The following FBXO4 variants were observed in gnomAD, a reference collection of about 807,000 sequenced individuals.
The protein encoded by FBXO4 is F-box only protein 4.
A neutral mutation model predicts 43.7 loss-of-function variants in FBXO4; 36 were observed. That is an observed-to-expected ratio of 0.82 (90% CI 0.63 to 1.09). FBXO4 has a LOEUF of 1.09. Ranked by LOEUF, FBXO4 falls within the 50% of genes least tolerant of loss-of-function variation. The pLI is 0.00. For missense variants in FBXO4, 435 were observed against 474.1 expected, an observed-to-expected ratio of 0.92 and a Z score of 0.77; for synonymous variants, 180 against 165.6, an observed-to-expected ratio of 1.09 and a Z score of -0.67.
the FBXO4 span, among the ~76,000 whole-genome samples, chr5:42,016,061 G>C: frequency 6.6e-6 from 1 of 152,052 alleles, no homozygotes; most frequent in East Asian, 1.9e-4. Context: ...TTAACATTGG[G>C]AAGCACAAAG....
chr5:41,959,041 C>T, the FBXO4 span, among the ~76,000 whole-genome samples: 4 of 152,172 alleles, frequency 2.6e-5, no homozygotes, highest in African/African-American at 9.7e-5. Context: ...CTTTTCTCTG[C>T]ATCCTCACCT....
Position 41,934,217 on chromosome 5 carries a change from A to G in FBXO4, c.807A>G (p.Gln269=), listed in dbSNP as rs1465786942. The G allele has an allele frequency of 6.2e-7, 1 of 1,614,062 alleles. No homozygotes were observed. Among genetic ancestry groups the G allele is most frequent in the African/African-American group, 1.3e-5 (1 of 74,930 alleles). Residue 269 remains glutamine (Q), a synonymous_variant, in exon 5 of 7, where the codon CAA becomes CAG. Coordinates refer to ENST00000281623, the MANE Select transcript of FBXO4 (RefSeq NM_012176.3). ...FSRHNEGDDQ[Q]GSRYSVIPQI... is the part of the protein sequence containing the mutation. ...GACACAATGAAGGTGATGATCAACA[A>G]GGAAGCCGGTACAGTGTGATTCCAC...
rs200889074 is a variant in FBXO4, at chr5:41,932,250, T to C, written c.647-1696T>C. On this transcript the variant is annotated intron_variant, in intron 3 of 6. Coordinates refer to ENST00000281623, the MANE Select transcript of FBXO4 (RefSeq NM_012176.3). Reference sequence around the variant, plus strand: ...TAATTGGCAAAGAAGGGCAGAACAGTATGGCGACTATATTGGGCTGAAGTT... The same window carrying C: ...TAATTGGCAAAGAAGGGCAGAACAGCATGGCGACTATATTGGGCTGAAGTT... Among the ~76,000 whole-genome samples the C allele has an allele frequency of 3.9e-5, 6 of 152,316 alleles. No individual in the cohort carries two copies. In the East Asian group the frequency reaches 1.2e-3, roughly 29 times the overall value.
At chr5:42,000,235 C>G in the FBXO4 span, among the ~76,000 whole-genome samples, 1 of 152,048 alleles carries the variant, frequency 6.6e-6, no homozygotes, top group African/African-American at 2.4e-5. Flanking sequence ...TGATGGGCAC[C>G]TATGTTGATT....
chr5:42,003,731 AT>A, the FBXO4 span, among the ~76,000 whole-genome samples: 1 of 130,532 alleles, frequency 7.7e-6, no homozygotes, highest in African/African-American at 2.9e-5. Flanking sequence ...AAGTGTTCTC[AT>A]TGTTCAATTC....
At chr5:41,945,594 G>GCCC (rs1481158323), downstream of FBXO4, among the ~76,000 whole-genome samples, 2 of 152,186 alleles carry the variant, frequency 1.3e-5, no homozygotes, top group East Asian at 3.9e-4. Context: ...TGCAGTCAGG[G>GCCC]AGGTTTCACA....
chr5:41,952,171 A>C, the FBXO4 span: 2 of 165,018 alleles, frequency 1.2e-5, no homozygotes, highest in Middle Eastern at 2.3e-3. Flanking sequence ...CTTCATTTTC[A>C]GGACATCAAG....
At chr5:41,965,035 T>C in the FBXO4 span, among the ~76,000 whole-genome samples, 9 of 152,342 alleles carry the variant, frequency 5.9e-5, no homozygotes, top group East Asian at 1.7e-3. Flanking sequence ...TTTAAGTTTT[T>C]TATCCATCTT....
At chr5:41,929,663 GTGTTAA>G (rs765041756) in intron 2 of FBXO4, 28 bp from the exon 3 acceptor site, 53 of 1,486,388 alleles carry the variant, frequency 3.6e-5, no homozygotes, top group Non-Finnish European at 4.7e-5. Context: ...GCTGTTTTCT[GTGTTAA>G]TGTTCTAATT....
At chr5:41,984,572 A>T in the FBXO4 span, among the ~76,000 whole-genome samples, 1 of 152,188 alleles carries the variant, frequency 6.6e-6, no homozygotes, top group South Asian at 2.1e-4. Context: ...CCTTTATGTC[A>T]GAAACAATTA....
At chr5:42,004,238 T>A in the FBXO4 span, among the ~76,000 whole-genome samples, 3 of 152,222 alleles carry the variant, frequency 2.0e-5, no homozygotes, top group Non-Finnish European at 4.4e-5. Flanking sequence ...GGAAACAGTC[T>A]TACCTATTGA....
the FBXO4 span, among the ~76,000 whole-genome samples, chr5:42,010,514 A>C: frequency 2.2e-4 from 34 of 152,226 alleles, 1 homozygote; most frequent in African/African-American, 6.5e-4. Flanking sequence ...TCTCAAAAAA[A>C]AAAAAAAAGA....
At chr5:41,956,155 CCAGATGTAATA>C in the FBXO4 span, among the ~76,000 whole-genome samples, 1 of 152,092 alleles carries the variant, frequency 6.6e-6, no homozygotes, top group Non-Finnish European at 1.5e-5. Context: ...AAAAACCAAT[CCAGATGTAATA>C]CAGAAGATAT....
chr5:41,933,456 G>T (rs1042188986), intron 3 of FBXO4, among the ~76,000 whole-genome samples: 17 of 152,216 alleles, frequency 1.1e-4, no homozygotes, highest in Non-Finnish European at 2.1e-4. Context: ...AGCCTCAAGT[G>T]ATTCTTCCAC....
At chr5:41,968,616 C>A in the FBXO4 span, among the ~76,000 whole-genome samples, 53 of 152,090 alleles carry the variant, frequency 3.5e-4, 1 homozygote, top group Admixed American at 7.9e-4. Flanking sequence ...GGTTAAAGTT[C>A]TGAAAAACAT....
At chr5:41,984,705 T>A in the FBXO4 span, among the ~76,000 whole-genome samples, 2 of 152,160 alleles carry the variant, frequency 1.3e-5, no homozygotes, top group Non-Finnish European at 2.9e-5. Context: ...GAGATGGGGT[T>A]TTACCATCTT....
At chr5:41,980,641 C>T in the FBXO4 span, among the ~76,000 whole-genome samples, 8 of 151,820 alleles carry the variant, frequency 5.3e-5, no homozygotes, top group East Asian at 3.9e-4. Flanking sequence ...CAATAAATTA[C>T]GTTTTATGGG....
chr5:41,965,285 A>G, the FBXO4 span, among the ~76,000 whole-genome samples: 27 of 152,286 alleles, frequency 1.8e-4, no homozygotes, highest in African/African-American at 6.5e-4. Context: ...TTGTTACTGT[A>G]GCCTTGCAGT....
At chr5:42,039,272 G>C in the FBXO4 span, among the ~76,000 whole-genome samples, 5,988 of 152,046 alleles carry the variant, frequency 0.039, 421 homozygotes, top group African/African-American at 0.14. Context: ...CTTGTTATTT[G>C]TCCTCTAGAT....
Sources: allele counts gnomAD v4.1 joint callset (sites outside exome capture counted in the v4.1 genomes callset), GRCh38; gene constraint gnomAD v4.1.1; transcripts MANE v1.5; gene names NCBI Gene and HGNC (gene_info 2026-07-23, HGNC 2026-07-21).